RASL12: variants seen among roughly 807,000 people sequenced by gnomAD.
The protein encoded by RASL12 is ras-like protein family member 12.
Under a neutral mutation model 22.9 loss-of-function variants are expected in RASL12, and 16 were observed. The observed-to-expected ratio is 0.70, with a 90% CI of 0.47 to 1.06. The LOEUF (loss-of-function observed/expected upper bound fraction) is 1.06. RASL12 is among the 50% of genes least tolerant of loss of function. RASL12 has a pLI of 0.00. For missense variants in RASL12, 306 were observed against 353.1 expected, an observed-to-expected ratio of 0.87 and a Z score of 1.07; for synonymous variants, 159 against 152.2, an observed-to-expected ratio of 1.04 and a Z score of -0.33.
At chr15:65,074,172 CCTGGCCCAATGTA>C in intron 1 of RASL12, among the ~76,000 whole-genome samples, 1 of 137,474 alleles carries the variant, frequency 7.3e-6, no homozygotes, top group Non-Finnish European at 1.5e-5. Flanking sequence ...TGTACCCCAG[CCTGGCCCAATGTA>C]CTTGCTCCAT....
At chr15:65,052,437 A>G (rs1448748797), downstream of RASL12, among the ~76,000 whole-genome samples, 2 of 105,998 alleles carry the variant, frequency 1.9e-5, no homozygotes, top group African/African-American at 3.7e-5. Flanking sequence ...CAGTCTCTCT[A>G]TTGCCCAGGA....
At chr15:65,068,172 C>A (rs767752984), upstream of RASL12, 22 of 1,002,104 alleles carry the variant, frequency 2.2e-5, no homozygotes, top group Non-Finnish European at 2.4e-5. The surrounding 1 kb of genome is among the most constrained non-coding windows in gnomAD (Gnocchi z 4.2). Context: ...AGGACCCTGC[C>A]GTCACCCTCC....
Position 65,065,230 on chromosome 15 carries a change from A to G in RASL12, c.147T>C (p.Tyr49=). The change falls in exon 2 of 5, where the codon TAT becomes TAC. Residue 49 remains tyrosine (Y), a synonymous_variant. Transcript: ENST00000220062. ...KFLTKRFISE[Y]DPNLEDTYSS... ...GTAGTTTCTTACCCAAGTTGGGGTCATATTCACTGATAAACCTCTTGGTCA... is the reference window on the plus strand; with the variant it reads ...GTAGTTTCTTACCCAAGTTGGGGTCGTATTCACTGATAAACCTCTTGGTCA... The G allele has an allele frequency of 6.2e-7, 1 of 1,612,696 alleles. No individual in the cohort carries two copies. Among genetic ancestry groups the G allele is most frequent in the Non-Finnish European group, 8.5e-7 (1 of 1,179,500 alleles).
intron 1 of RASL12, among the ~76,000 whole-genome samples, chr15:65,076,005 ACT>A (rs775101946): frequency 1.2e-4 from 18 of 151,914 alleles, no homozygotes; most frequent in Non-Finnish European, 2.5e-4. Flanking sequence ...GTATGTGGAA[ACT>A]CTGTATCTAA....
chr15:65,062,936 G>A (rs575388809), intron 2 of RASL12, among the ~76,000 whole-genome samples: 197 of 152,334 alleles, frequency 1.3e-3, no homozygotes, highest in Non-Finnish European at 2.5e-3. Flanking sequence ...TGTCTGGTTG[G>A]CTCTCTGACT....
chr15:65,063,753 T>G (rs765692145), intron 2 of RASL12, among the ~76,000 whole-genome samples: 2 of 152,204 alleles, frequency 1.3e-5, no homozygotes, highest in Non-Finnish European at 2.9e-5. Context: ...AAAGCTTTTT[T>G]AAACAAGGGG....
At chr15:65,056,816 A>C (rs932721056) in intron 4 of RASL12, among the ~76,000 whole-genome samples, 3 of 152,210 alleles carry the variant, frequency 2.0e-5, no homozygotes, top group African/African-American at 7.2e-5. Context: ...TGATCGAAGA[A>C]TGAAATAGGA....
At chr15:65,051,684 G>A, downstream of RASL12, 1 of 1,354,876 alleles carries the variant, frequency 7.4e-7, no homozygotes, top group East Asian at 2.3e-5. Flanking sequence ...ATCTAGAGAG[G>A]GGTCACTTAG....
At chr15:65,051,744 C>A, downstream of RASL12, 1 of 658,690 alleles carries the variant, frequency 1.5e-6, no homozygotes, top group Non-Finnish European at 2.6e-6. Context: ...CCTTCAGTGT[C>A]CTTCGAGAAC....
In RASL12 at chr15:65,053,998, T is replaced by C. The variant is rs1381938741; in HGVS notation, c.*901A>G. On this transcript the variant is annotated 3_prime_UTR_variant, in exon 5 of 5. Coordinates refer to ENST00000220062, the MANE Select transcript of RASL12 (RefSeq NM_016563.4). ...GGGTCCTGGGTCCTGCCAAACCAGA[T>C]GACAAACGGGTATACTGTGTTTCTA... 1.0e-6 allele frequency: 1 copy of C among 985,878 alleles called. No individual in the cohort carries two copies. Among genetic ancestry groups the C allele is most frequent in the Non-Finnish European group, 1.2e-6 (1 of 829,936 alleles). 61.1% of individuals were successfully genotyped at this position (985,878 alleles called of 1,614,324 possible).
chr15:65,062,083 A>G (rs62012465), intron 2 of RASL12, among the ~76,000 whole-genome samples: 1 of 151,840 alleles, frequency 6.6e-6, no homozygotes, highest in African/African-American at 2.4e-5. Flanking sequence ...AAAAAAAAGA[A>G]ATGGTGCCTA....
intron 1 of RASL12, chr15:65,076,413 C>A: frequency 1.9e-6 from 1 of 516,110 alleles, no homozygotes; most frequent in Non-Finnish European, 3.4e-6. Flanking sequence ...AGGTCTGCAG[C>A]TTCACTCCTG....
chr15:65,070,395 C>T (rs988324884), upstream of RASL12, among the ~76,000 whole-genome samples: 1 of 152,256 alleles, frequency 6.6e-6, no homozygotes, highest in Non-Finnish European at 1.5e-5. Flanking sequence ...AAATAGCACA[C>T]ATTTCTCATC....
At chr15:65,070,507 C>T (rs1182011922), upstream of RASL12, among the ~76,000 whole-genome samples, 1 of 152,170 alleles carries the variant, frequency 6.6e-6, no homozygotes, top group Non-Finnish European at 1.5e-5. Flanking sequence ...CTCTCCTTAC[C>T]CTCTACCCCC....
At chr15:65,059,241 A>C (rs2086773024) in intron 3 of RASL12, 104 bp downstream of exon 3, 1 of 944,408 alleles carries the variant, frequency 1.1e-6, no homozygotes, top group East Asian at 2.4e-5. Flanking sequence ...AGTTGAGCTT[A>C]AAAGGCATCT....
At chr15:65,050,334 A>C (rs1198629227), downstream of RASL12, among the ~76,000 whole-genome samples, 2 of 152,174 alleles carry the variant, frequency 1.3e-5, no homozygotes, top group African/African-American at 2.4e-5. Flanking sequence ...ACATTTATTA[A>C]GCTCCTACTC....
intron 4 of RASL12, among the ~76,000 whole-genome samples, chr15:65,056,414 T>C (rs977933814): frequency 6.6e-6 from 1 of 152,152 alleles, no homozygotes; most frequent in Non-Finnish European, 1.5e-5. Context: ...GCATCGGATC[T>C]ATTCCCCACC....
At chr15:65,063,721 A>G (rs1412587643) in intron 2 of RASL12, among the ~76,000 whole-genome samples, 7 of 129,400 alleles carry the variant, frequency 5.4e-5, no homozygotes, top group Non-Finnish European at 1.1e-4. Context: ...AATCTGGAAG[A>G]AGGGATTCTG....
downstream of RASL12, chr15:65,051,579 C>T (rs1488551881): frequency 9.3e-6 from 15 of 1,613,468 alleles, no homozygotes; most frequent in African/African-American, 2.0e-4. Flanking sequence ...GCATGGTCCT[C>T]CTGGGAAGAA....
Sources: gnomAD v4.1 joint callset for allele counts (sites outside exome capture counted in the v4.1 genomes callset) on GRCh38, gnomAD v4.1.1 for gene constraint, Gnocchi (gnomAD v3.1) non-coding constraint, MANE v1.5 for transcripts, NCBI Gene and HGNC (gene_info 2026-07-23, HGNC 2026-07-21) for gene names.